The following USP47 variants were observed in gnomAD, a reference collection of about 807,000 sequenced individuals.
The protein encoded by USP47 is ubiquitin specific peptidase 47.
USP47 carries 35 observed loss-of-function variants against 165.1 expected under a neutral mutation model. The ratio of observed to expected loss-of-function variants is 0.21; its 90% CI spans 0.16 to 0.28. USP47 has a LOEUF of 0.28. Ranked by LOEUF, USP47 falls within the 10% of genes least tolerant of loss-of-function variation. USP47 has a pLI of 1.00. For missense variants in USP47, 1,277 were observed against 1,607.4 expected (o/e 0.79, Z 3.52); for synonymous variants, 531 against 544.5 (o/e 0.98, Z 0.35).
intron 20 of USP47, among the ~76,000 whole-genome samples, chr11:11,946,662 C>T (rs973544410): frequency 3.9e-5 from 6 of 152,104 alleles, no homozygotes; most frequent in Admixed American, 1.3e-4. Flanking sequence ...TTTAGTACCT[C>T]GTTGGATAGC....
intron 8 of USP47, among the ~76,000 whole-genome samples, chr11:11,908,870 A>G (rs1051146528): frequency 2.6e-5 from 4 of 152,154 alleles, no homozygotes; most frequent in African/African-American, 9.7e-5. Context: ...TAGTCTGTAA[A>G]AGGATTTAGT....
At chr11:11,875,965 T>G (rs1345461582) in intron 1 of USP47, among the ~76,000 whole-genome samples, 1 of 152,232 alleles carries the variant, frequency 6.6e-6, no homozygotes, top group Non-Finnish European at 1.5e-5. Flanking sequence ...TAGCTTTGTT[T>G]CTGCAATGAA....
intron 19 of USP47, among the ~76,000 whole-genome samples, chr11:11,941,684 GAACA>G: frequency 2.0e-5 from 3 of 151,806 alleles, no homozygotes; most frequent in Non-Finnish European, 2.9e-5. Context: ...TAGATAATAT[GAACA>G]TATATATCTA....
Position 11,880,255 on chromosome 11 carries a change from A to G in USP47, c.118A>G (p.Ile40Val). The G allele has an allele frequency of 6.9e-7, 1 of 1,458,180 alleles. No homozygotes were observed. The highest frequency in any genetic ancestry group is 2.7e-5 in the East Asian group (1 of 36,430). 90.3% of individuals were successfully genotyped at this position (1,458,180 alleles called of 1,614,324 possible). A position where few individuals can be genotyped will look rare whatever the true frequency, so the allele number is the denominator to read the frequency against. Reference sequence around the variant, plus strand: ...TAATTCAAAGACAGTGAATGAACGGATCACTTTAAATTTACCAGCATCTAC... The same window carrying G: ...TAATTCAAAGACAGTGAATGAACGGGTCACTTTAAATTTACCAGCATCTAC... Reference protein sequence around the residue: ...TTNSKTVNERITLNLPASTPV... With the variant: ...TTNSKTVNERVTLNLPASTPV... Residue 40 changes from isoleucine to valine, a missense_variant, in exon 2 of 28, where the codon ATC (isoleucine) becomes GTC (valine). Around this residue, in one of 4 missense-constraint regions of USP47, gnomAD observed 181 missense variants for 194.7 expected, o/e 0.93. Coordinates refer to ENST00000527733, the MANE Select transcript of USP47 (RefSeq NM_001282659.2).
At chr11:11,936,914 A>G (rs1182938300) in intron 17 of USP47, among the ~76,000 whole-genome samples, 1 of 151,872 alleles carries the variant, frequency 6.6e-6, no homozygotes, top group Non-Finnish European at 1.5e-5. Flanking sequence ...AAAGTCTCAG[A>G]AGTAGAGGCT....
chr11:11,904,443 A>G (rs763864760), intron 7 of USP47, among the ~76,000 whole-genome samples: 32 of 152,204 alleles, frequency 2.1e-4, no homozygotes, highest in Non-Finnish European at 3.2e-4. Flanking sequence ...CTTACTTAGG[A>G]GATTATGAAA....
intron 1 of USP47, among the ~76,000 whole-genome samples, chr11:11,879,185 T>C (rs576692908): frequency 1.8e-4 from 28 of 152,270 alleles, no homozygotes; most frequent in African/African-American, 6.5e-4. Context: ...AATTTTGTTG[T>C]AGGATATTCT....
intron 1 of USP47, 44 bp downstream of exon 1, chr11:11,842,268 T>C (rs1018796397): frequency 6.5e-7 from 1 of 1,545,974 alleles, no homozygotes; most frequent in African/African-American, 1.4e-5. Context: ...CTGCGGCCGC[T>C]CGAGGCAACA....
intron 17 of USP47, 91 bp from the exon 18 acceptor site, chr11:11,938,166 C>T: frequency 1.9e-6 from 2 of 1,072,024 alleles, no homozygotes; most frequent in South Asian, 1.5e-5. Flanking sequence ...GGATTTGTCA[C>T]CTGTTAGAAA....
In USP47 at chr11:11,893,685, G is replaced by A. The variant is rs572546028; in HGVS notation, c.496+1579G>A. 2.6e-5 allele frequency among the ~76,000 whole-genome samples: 4 copies of A among 151,388 alleles called. No homozygotes were observed. In the South Asian group the frequency reaches 6.3e-4, roughly 24 times the overall value. ...TTTCTGCCTCGGCCTCCCAAGTAGCGGGGAATACAGGTGTGCATCACAACG... is the reference window on the plus strand; with the variant it reads ...TTTCTGCCTCGGCCTCCCAAGTAGCAGGGAATACAGGTGTGCATCACAACG... On this transcript the variant is annotated intron_variant, in intron 4 of 27. Transcript: ENST00000527733.
chr11:11,861,657 A>G (rs1298995969), intron 1 of USP47, among the ~76,000 whole-genome samples: 1 of 152,154 alleles, frequency 6.6e-6, no homozygotes, highest in Non-Finnish European at 1.5e-5. Context: ...CTGGGAGCTT[A>G]TTTCATGACT....
chr11:11,958,336 T>C lies in USP47; in HGVS notation c.*2161T>C, dbSNP rs892781428. On this transcript the variant is annotated 3_prime_UTR_variant, in exon 28 of 28. Transcript: ENST00000527733. ...ACAAATAAGAGTAAAGAAAATATAT[T>C]TCATTATAGAAAAGAAAAAATTAAA... 1.3e-5 allele frequency: 2 copies of C among 152,086 alleles called. No individual in the cohort carries two copies. Among genetic ancestry groups the C allele is most frequent in the Non-Finnish European group, 2.9e-5 (2 of 68,042 alleles). The allele number at this position is 152,086 out of a possible 1,614,324, so 9.4% of individuals were successfully genotyped here.
intron 3 of USP47, among the ~76,000 whole-genome samples, chr11:11,887,422 C>T (rs574846102): frequency 6.4e-4 from 97 of 151,892 alleles, no homozygotes; most frequent in Middle Eastern, 3.4e-3. Flanking sequence ...AAGCAGGAGT[C>T]GCAATCCTAG....
rs1010900909 is a variant in USP47 at position 11,952,757 on chromosome 11, G to A, written c.3600G>A (p.Lys1200=). Residue 1200 remains lysine (K), a synonymous_variant, in exon 25 of 28, where the codon AAG becomes AAA. Transcript: ENST00000527733. ...TATTCTTAGGGGTAGAGAAGATGAA[G>A]TCCATGTCACAGCTTGCAGTTTTGT... ...LEVLDGVEKM[K]SMSQLAVLSR... is the part of the protein sequence containing the mutation. 6.2e-7 allele frequency: 1 copy of A among 1,607,506 alleles called. No individual in the cohort carries two copies. Among genetic ancestry groups the A allele is most frequent in the African/African-American group, 1.3e-5 (1 of 74,310 alleles).
At chr11:11,904,483 T>C (rs1325952040) in intron 7 of USP47, among the ~76,000 whole-genome samples, 3 of 152,212 alleles carry the variant, frequency 2.0e-5, no homozygotes, top group Non-Finnish European at 4.4e-5. Flanking sequence ...GTGATCTAGT[T>C]TCTCTCATAG....
chr11:11,940,536 T>G lies in USP47; in HGVS notation c.2301T>G (p.Phe767Leu). The G allele has an allele frequency of 6.2e-7, 1 of 1,611,570 alleles. No individual in the cohort carries two copies. Among genetic ancestry groups the G allele is most frequent in the Non-Finnish European group, 8.5e-7 (1 of 1,178,342 alleles). The change falls in exon 19 of 28, where the codon TTT becomes TTG. Residue 767 changes from phenylalanine (F) to leucine (L), a missense_variant. By Grantham distance (22) the Phe-to-Leu change is conservative. This residue lies in a region of USP47 where 909 missense variants were observed against 1,068.1 expected (regional missense o/e 0.85). Transcript: ENST00000527733. ...AAACCCTGAAAGCTGAAGGATTTTT[T>G]AGAAGTAACAAGGTATGTCATTTAC... ...SSKTLKAEGF[F>L]RSNKVFVESS...
chr11:11,923,038 GTACATATATATATATATATATATATA>G, intron 11 of USP47, 147 bp downstream of exon 11: 2 of 116,048 alleles, frequency 1.7e-5, no homozygotes, highest in South Asian at 1.1e-4. Flanking sequence ...TAGTTTTTTT[GTACATATATATATATATATATATATA>G]TATATATATA....
At chr11:11,893,170 G>A (rs1046819235) in intron 4 of USP47, among the ~76,000 whole-genome samples, 7 of 151,778 alleles carry the variant, frequency 4.6e-5, no homozygotes, top group South Asian at 2.1e-4. Context: ...TTGTTTAATC[G>A]CCTAATGAAT....
chr11:11,915,956 A>G (rs1180821202), intron 8 of USP47, among the ~76,000 whole-genome samples: 3 of 152,206 alleles, frequency 2.0e-5, no homozygotes, highest in African/African-American at 4.8e-5. Flanking sequence ...TAATTGATGA[A>G]TAATTCATAT....
Sources: gnomAD v4.1 joint callset for allele counts (sites outside exome capture counted in the v4.1 genomes callset) on GRCh38, gnomAD v4.1.1 for gene constraint, gnomAD v4.1.1 regional missense constraint, MANE v1.5 for transcripts, NCBI Gene and HGNC (gene_info 2026-07-23, HGNC 2026-07-21) for gene names.